RBM28: variants seen among roughly 807,000 people sequenced by gnomAD.
The protein encoded by RBM28 is RNA binding motif protein 28.
In RBM28, 78 loss-of-function variants were observed where a neutral mutation model predicts 98.3. The observed-to-expected ratio is 0.79, with a 90% CI of 0.66 to 0.96. The LOEUF (loss-of-function observed/expected upper bound fraction) is 0.96. RBM28 is among the 40% of genes least tolerant of loss of function. The pLI is 0.00. For missense variants in RBM28, 838 were observed against 913.0 expected, an observed-to-expected ratio of 0.92 and a Z score of 1.06; for synonymous variants, 306 against 330.9, an observed-to-expected ratio of 0.92 and a Z score of 0.82.
intron 6 of RBM28, among the ~76,000 whole-genome samples, chr7:128,336,365 TA>T (rs1796600959): frequency 6.6e-6 from 1 of 152,212 alleles, no homozygotes; most frequent in African/African-American, 2.4e-5. Flanking sequence ...AAATGCTCAC[TA>T]GGGGGCAAAG....
At position 128,333,169 on chromosome 7, in the gene RBM28, A is replaced by G. The variant is rs947116354; in HGVS notation, c.1019+121T>C. On this transcript the variant is annotated intron_variant, in intron 9 of 18. Transcript: ENST00000223073. The stretch of plus-strand genomic sequence containing the variant: ...TCTCATTGTTTAGTATGTTCCTGGG[A>G]CCAGATGTGCTTGATCTAATTTCTG... 7.8e-6 allele frequency: 6 copies of G among 768,738 alleles called. No homozygotes were observed. In the African/African-American group the frequency reaches 1.0e-4, roughly 13 times the overall value. 47.6% of individuals were successfully genotyped at this position (768,738 alleles called of 1,614,324 possible). A position where few individuals can be genotyped will look rare whatever the true frequency, so the allele number is the denominator to read the frequency against.
intron 1 of RBM28, among the ~76,000 whole-genome samples, chr7:128,340,422 C>G (rs1796699255): frequency 6.6e-6 from 1 of 152,180 alleles, no homozygotes; most frequent in Non-Finnish European, 1.5e-5. Flanking sequence ...CCATGACACC[C>G]TGCACTGTCT....
intron 10 of RBM28, among the ~76,000 whole-genome samples, chr7:128,329,137 T>C (rs555077051): frequency 3.2e-4 from 48 of 152,260 alleles, no homozygotes; most frequent in African/African-American, 1.1e-3. Context: ...CTTGCTCTTG[T>C]TGCCCAGGCT....
At chr7:128,330,207 G>A (rs1249422584) in intron 10 of RBM28, among the ~76,000 whole-genome samples, 1 of 151,952 alleles carries the variant, frequency 6.6e-6, no homozygotes, top group African/African-American at 2.4e-5. Flanking sequence ...GGAATGATTA[G>A]TACCTATGAG....
At position 128,306,910 on chromosome 7, in the gene RBM28, G is replaced by T. The variant is rs78888460; in HGVS notation, c.*3887C>A. On this transcript the variant is annotated 3_prime_UTR_variant, in exon 19 of 19. Coordinates refer to ENST00000223073, the MANE Select transcript of RBM28 (RefSeq NM_018077.3). Reference sequence around the variant, plus strand: ...TCTGGTCACCAAGTAAGCCATCACAGACTCTGCAAATAATCCTGGAAAGGA... The same window carrying T: ...TCTGGTCACCAAGTAAGCCATCACATACTCTGCAAATAATCCTGGAAAGGA... The T allele has an allele frequency of 6.6e-6, 1 of 152,444 alleles. No individual in the cohort carries two copies. Among genetic ancestry groups the T allele is most frequent in the Non-Finnish European group, 1.5e-5 (1 of 68,138 alleles). 9.4% of individuals were successfully genotyped at this position (152,444 alleles called of 1,614,324 possible).
intron 2 of RBM28, 117 bp from the exon 3 acceptor site, chr7:128,339,438 C>A: frequency 8.9e-7 from 1 of 1,121,506 alleles, no homozygotes. Flanking sequence ...TTAAGTGTGG[C>A]AATAATACCA....
rs1796595798 is a variant in RBM28, at chr7:128,336,109, T to C, written c.614-67A>G. The C allele has an allele frequency of 1.5e-5, 21 of 1,402,972 alleles. No homozygotes were observed. The South Asian group carries it at 2.5e-4, about 17-fold the overall frequency. The allele number at this position is 1,402,972 out of a possible 1,614,324, so 86.9% of individuals were successfully genotyped here. A position where few individuals can be genotyped will look rare whatever the true frequency, so the allele number is the denominator to read the frequency against. ...CAAAACAATGTTATTTTAACAAAAG[T>C]AACCAATACTCCAAGTTCTTGGTTT... On this transcript the variant is annotated intron_variant, in intron 6 of 18. Transcript: ENST00000223073.
In RBM28 at chr7:128,303,043, T is replaced by A. The variant is rs1795802447; in HGVS notation, c.*7754A>T. 1 of 152,150 alleles carries A rather than the reference T, an allele frequency of 6.6e-6. No individual in the cohort carries two copies. Among genetic ancestry groups the A allele is most frequent in the Non-Finnish European group, 1.5e-5 (1 of 68,044 alleles). The allele number at this position is 152,150 out of a possible 1,614,324, so 9.4% of individuals were successfully genotyped here. A position where few individuals can be genotyped will look rare whatever the true frequency, so the allele number is the denominator to read the frequency against. On this transcript the variant is annotated 3_prime_UTR_variant, in exon 19 of 19. Transcript: ENST00000223073. ...CCTCCCATAGTGCTGGGGTTACAGG[T>A]ATGAGCCACCAAGCCCAGCTGGAAG... is the stretch of plus-strand genomic sequence containing the variant.
intron 1 of RBM28, among the ~76,000 whole-genome samples, chr7:128,342,261 C>T (rs1307057461): frequency 1.3e-5 from 2 of 152,320 alleles, no homozygotes; most frequent in African/African-American, 4.8e-5. Context: ...ACAGGACTTT[C>T]GGTCCCTATT....
chr7:128,319,876 C>T (rs952009070), intron 14 of RBM28, among the ~76,000 whole-genome samples: 6 of 152,156 alleles, frequency 3.9e-5, no homozygotes, highest in African/African-American at 1.4e-4. Flanking sequence ...AATTTGCGAC[C>T]AGCCTGGGCA....
rs1284099558 is a variant in RBM28, at chr7:128,303,100, G to A, written c.*7697C>T. 6.6e-6 allele frequency: 1 copy of A among 152,210 alleles called. No individual in the cohort carries two copies. Among genetic ancestry groups the A allele is most frequent in the East Asian group, 1.9e-4 (1 of 5,198 alleles). 9.4% of individuals were successfully genotyped at this position (152,210 alleles called of 1,614,324 possible). A position where few individuals can be genotyped will look rare whatever the true frequency, so the allele number is the denominator to read the frequency against. On this transcript the variant is annotated 3_prime_UTR_variant, in exon 19 of 19. Transcript: ENST00000223073. ...AAACGTTTCAACATTCAAAGAATGT[G>A]AGAATGAAAATGCCCTTCCTTTTCT... is the stretch of plus-strand genomic sequence containing the variant.
chr7:128,321,135 C>A, intron 14 of RBM28, 131 bp downstream of exon 14: 1 of 1,291,268 alleles, frequency 7.7e-7, no homozygotes, highest in South Asian at 1.2e-5. Context: ...CGCTGCACTA[C>A]AGCCTGGGCA....
At chr7:128,319,853 A>G (rs6960964) in intron 14 of RBM28, among the ~76,000 whole-genome samples, 147,952 of 152,204 alleles carry the variant, frequency 0.97, 72,056 homozygotes, top group East Asian at 1. Flanking sequence ...CAGGGGAATC[A>G]TCTGAGCTCA....
Position 128,311,068 on chromosome 7 carries a change from G to C in RBM28, c.2146-137C>G, listed in dbSNP as rs1584631467. Reference sequence around the variant, plus strand: ...AGAAAGGGGTAGGTTTCTAGAGAGAGACTCTTAGAGAGAAAGGCTCAAACA... The same window carrying C: ...AGAAAGGGGTAGGTTTCTAGAGAGACACTCTTAGAGAGAAAGGCTCAAACA... On this transcript the variant is annotated intron_variant, in intron 18 of 18. Coordinates refer to ENST00000223073, the MANE Select transcript of RBM28 (RefSeq NM_018077.3). 1.7e-5 allele frequency: 14 copies of C among 837,628 alleles called. No homozygotes were observed. The East Asian group carries it at 3.7e-4, about 22-fold the overall frequency. 51.9% of individuals were successfully genotyped at this position (837,628 alleles called of 1,614,324 possible). A position where few individuals can be genotyped will look rare whatever the true frequency, so the allele number is the denominator to read the frequency against.
intron 14 of RBM28, among the ~76,000 whole-genome samples, chr7:128,320,426 A>AAAGGC (rs1796206525): frequency 6.6e-6 from 1 of 151,480 alleles, no homozygotes; most frequent in Non-Finnish European, 1.5e-5. Context: ...AAAAGAAAGG[A>AAAGGC]AGAAAAGAAA....
chr7:128,341,854 G>A (rs1001531932), intron 1 of RBM28, among the ~76,000 whole-genome samples: 8 of 152,134 alleles, frequency 5.3e-5, no homozygotes, highest in Non-Finnish European at 8.8e-5. Flanking sequence ...ATATATGGAC[G>A]TACTCCTATA....
intron 14 of RBM28, among the ~76,000 whole-genome samples, chr7:128,320,379 C>T (rs1796203956): frequency 6.8e-6 from 1 of 146,430 alleles, no homozygotes; most frequent in African/African-American, 2.6e-5. Context: ...CACTGCACTC[C>T]AGCCAAAGAC....
intron 16 of RBM28, among the ~76,000 whole-genome samples, chr7:128,315,621 T>C (rs1366317233): frequency 6.6e-6 from 1 of 151,842 alleles, no homozygotes; most frequent in Non-Finnish European, 1.5e-5. Flanking sequence ...CAAACCAGAG[T>C]AGATTGAGAG....
chr7:128,326,156 TA>T (rs1796346016), intron 10 of RBM28, among the ~76,000 whole-genome samples: 1 of 151,978 alleles, frequency 6.6e-6, no homozygotes, highest in African/African-American at 2.4e-5. Flanking sequence ...TACAAAAAAT[TA>T]GCCAGGCGTG....
Sources: gnomAD v4.1 joint callset for allele counts (sites outside exome capture counted in the v4.1 genomes callset) on GRCh38, gnomAD v4.1.1 for gene constraint, MANE v1.5 for transcripts, NCBI Gene and HGNC (gene_info 2026-07-23, HGNC 2026-07-21) for gene names.